DPP6: variants seen among roughly 807,000 people sequenced by gnomAD.
The protein encoded by DPP6 is dipeptidyl peptidase like 6, also known as A-type potassium channel modulatory protein DPP6.
DPP6 carries 69 observed loss-of-function variants against 122.6 expected under a neutral mutation model. The ratio of observed to expected loss-of-function variants is 0.56; its 90% confidence interval spans 0.46 to 0.69. DPP6 has a LOEUF of 0.69. Ranked by LOEUF, DPP6 falls within the 30% of genes least tolerant of loss-of-function variation. DPP6 has a pLI of 0.00. For missense variants in DPP6, 928 were observed against 1,116.9 expected (o/e 0.83, Z 2.41); for synonymous variants, 418 against 433.1 (o/e 0.97, Z 0.43).
At chr7:154,637,398 G>A (rs1197222839) in intron 5 of DPP6, among the ~76,000 whole-genome samples, 1 of 152,238 alleles carries the variant, frequency 6.6e-6, no homozygotes, top group African/African-American at 2.4e-5. Context: ...AAGACACACA[G>A]TGGAATTTCT....
chr7:154,757,415 C>T (rs1795199371), intron 8 of DPP6, among the ~76,000 whole-genome samples: 1 of 152,216 alleles, frequency 6.6e-6, no homozygotes, highest in South Asian at 2.1e-4. Flanking sequence ...TCCCTCTCCT[C>T]CCCCACTGCA....
the DPP6 span, among the ~76,000 whole-genome samples, chr7:153,836,666 A>G: frequency 6.6e-6 from 1 of 152,230 alleles, no homozygotes; most frequent in Non-Finnish European, 1.5e-5. Context: ...AATATTTTTC[A>G]TAAAACGTAG....
At chr7:154,068,017 C>T (rs1802863241) in intron 1 of DPP6, among the ~76,000 whole-genome samples, 1 of 150,958 alleles carries the variant, frequency 6.6e-6, no homozygotes, top group Non-Finnish European at 1.5e-5. Context: ...CCACCTCGGT[C>T]TCCCAAAGTA....
In DPP6 at chr7:154,574,252, GGTGT is replaced by G. The variant is rs1157388029; in HGVS notation, c.627+7343_627+7346del. Among the ~76,000 whole-genome samples, 236 of 147,004 alleles carry G rather than the reference GGTGT, an allele frequency of 1.6e-3. 2 individuals are homozygous for G. Among genetic ancestry groups the G allele is most frequent in the Middle Eastern group, 6.9e-3 (2 of 288 alleles). On this transcript the variant is annotated intron_variant, in intron 5 of 25. Transcript: ENST00000377770. ...TGTGTGTGGTGTGGTGTGTATGTGT[GGTGT>G]GTGTGTATGTGTGTGGGGTCTGTGT... is the stretch of plus-strand genomic sequence containing the variant.
rs1801560017 is a variant in DPP6, at chr7:154,241,046, G to GT, written c.243+187985dup. Among the ~76,000 whole-genome samples, 1 of 152,140 alleles carries GT rather than the reference G, an allele frequency of 6.6e-6. No individual in the cohort carries two copies. The highest frequency in any genetic ancestry group is 1.5e-5 in the Non-Finnish European group (1 of 68,030). The stretch of plus-strand genomic sequence containing the variant: ...CTCATTCTCAGTCATTATGTGATTT[G>GT]TTGGAATATTGTGAAGTTCCGTTGA... On this transcript the variant is annotated intron_variant, in intron 1 of 25. Transcript: ENST00000377770. The surrounding 1 kb of genome is among the most constrained non-coding windows in gnomAD (Gnocchi z 9.0).
chr7:154,058,293 T>C (rs1310333900), intron 1 of DPP6: 6 of 115,984 alleles, frequency 5.2e-5, no homozygotes, highest in African/African-American at 9.9e-5. Flanking sequence ...TCTTCCCCCC[T>C]TTGCTCTTAG....
chr7:154,356,130 T>G, intron 1 of DPP6, among the ~76,000 whole-genome samples: 1 of 152,184 alleles, frequency 6.6e-6, no homozygotes, highest in Non-Finnish European at 1.5e-5. Flanking sequence ...CATTTTCTGT[T>G]TTTTCTATTT....
At chr7:154,704,590 A>G (rs1840719934) in intron 7 of DPP6, among the ~76,000 whole-genome samples, 1 of 152,238 alleles carries the variant, frequency 6.6e-6, no homozygotes, top group Non-Finnish European at 1.5e-5. Flanking sequence ...TTCAGCAACC[A>G]GCCCCTGATC....
chr7:154,546,147 A>C (rs773802647), intron 4 of DPP6, among the ~76,000 whole-genome samples: 3 of 152,034 alleles, frequency 2.0e-5, no homozygotes, highest in Non-Finnish European at 4.4e-5. Context: ...CATTAAAATA[A>C]TAGCTATGAA....
chr7:154,769,358 C>T, intron 8 of DPP6, 59 bp from the exon 9 acceptor site: 2 of 1,602,436 alleles, frequency 1.2e-6, no homozygotes, highest in South Asian at 2.2e-5. Flanking sequence ...CCTGCTGGTG[C>T]AGCTCCAATT....
chr7:153,800,252 T>A, the DPP6 span, among the ~76,000 whole-genome samples: 1 of 151,936 alleles, frequency 6.6e-6, no homozygotes, highest in Non-Finnish European at 1.5e-5. Flanking sequence ...TAAAATAGAA[T>A]AAAATCCTGT....
At chr7:153,807,416 C>G in the DPP6 span, among the ~76,000 whole-genome samples, 1 of 146,922 alleles carries the variant, frequency 6.8e-6, no homozygotes, top group East Asian at 2.0e-4. Context: ...CTCAAACAAA[C>G]AAACAAACAA....
intron 1 of DPP6, among the ~76,000 whole-genome samples, chr7:153,944,447 G>A (rs547089704): frequency 7.2e-4 from 110 of 152,240 alleles, no homozygotes; most frequent in African/African-American, 2.6e-3. Flanking sequence ...GGAAGGCAGC[G>A]AGAAGAGCGT....
intron 1 of DPP6, among the ~76,000 whole-genome samples, chr7:154,441,724 G>C (rs1169043385): frequency 1.3e-5 from 2 of 152,088 alleles, no homozygotes; most frequent in East Asian, 3.9e-4. Context: ...GCCTGCATTA[G>C]GGTCCTCCTT....
intron 5 of DPP6, among the ~76,000 whole-genome samples, chr7:154,593,410 A>G (rs1371793232): frequency 1.3e-5 from 2 of 152,174 alleles, no homozygotes; most frequent in Non-Finnish European, 2.9e-5. Flanking sequence ...TGAAAAACCA[A>G]ACAGATGGGA....
Position 154,772,828 on chromosome 7 carries a change from C to G in DPP6, c.1039-17C>G, listed in dbSNP as rs1295580884. ...TAAGGCTGCTTGTTCATGTCTCTGC[C>G]CCTTTTTAATCCCCAGGCTGGAAGT... On this transcript the variant is annotated splice_polypyrimidine_tract_variant and intron_variant, in intron 9 of 25. Transcript: ENST00000377770. 94 of 1,608,906 alleles carry G rather than the reference C, an allele frequency of 5.8e-5. No homozygotes were observed. The highest frequency in any genetic ancestry group is 7.9e-5 in the Non-Finnish European group (93 of 1,177,974).
At chr7:153,936,771 A>G (rs1410782249) in intron 1 of DPP6, among the ~76,000 whole-genome samples, 1 of 151,766 alleles carries the variant, frequency 6.6e-6, no homozygotes, top group Non-Finnish European at 1.5e-5. Flanking sequence ...AGATCAAGCC[A>G]CTGCACTCCA....
the DPP6 span, among the ~76,000 whole-genome samples, chr7:153,867,113 C>G: frequency 1.1e-3 from 169 of 152,174 alleles, 1 homozygote; most frequent in South Asian, 2.7e-3. Flanking sequence ...TTTTGGCTTA[C>G]GATTGACTTG....
At chr7:154,367,997 A>G (rs933290850) in intron 1 of DPP6, among the ~76,000 whole-genome samples, 13 of 152,156 alleles carry the variant, frequency 8.5e-5, no homozygotes, top group African/African-American at 3.1e-4. Flanking sequence ...TAGTAGAGAC[A>G]GGGTTTTACC....
Sources: allele counts gnomAD v4.1 joint callset (sites outside exome capture counted in the v4.1 genomes callset), GRCh38; gene constraint gnomAD v4.1.1; non-coding constraint Gnocchi (gnomAD v3.1); transcripts MANE v1.5; gene names NCBI Gene and HGNC (gene_info 2026-07-23, HGNC 2026-07-21).